The following TBC1D19 variants were observed in gnomAD, a reference collection of about 807,000 sequenced individuals.
The protein encoded by TBC1D19 is TBC1 domain family member 19.
Under a neutral mutation model 89.0 loss-of-function variants are expected in TBC1D19, and 60 were observed. The observed-to-expected ratio is 0.67, with a 90% confidence interval of 0.55 to 0.84. The LOEUF (loss-of-function observed/expected upper bound fraction) is 0.84. Ranked by LOEUF, TBC1D19 falls within the 40% of genes least tolerant of loss-of-function variation. TBC1D19 has a pLI of 0.00. For missense variants in TBC1D19, 500 were observed against 610.8 expected (o/e 0.82, Z 1.91); for synonymous variants, 189 against 199.7 (o/e 0.95, Z 0.45).
intron 13 of TBC1D19, among the ~76,000 whole-genome samples, chr4:26,692,321 G>T (rs1040776717): frequency 1.1e-4 from 17 of 152,168 alleles, no homozygotes; most frequent in Non-Finnish European, 4.4e-5. Context: ...CAGAGATCTG[G>T]CCCAAAAGCT....
At chr4:26,705,788 T>C (rs1443864104) in intron 13 of TBC1D19, among the ~76,000 whole-genome samples, 1 of 152,214 alleles carries the variant, frequency 6.6e-6, no homozygotes, top group Non-Finnish European at 1.5e-5. Flanking sequence ...TTGGGGTTTC[T>C]CGTAGGGTCT....
chr4:26,685,530 T>C (rs1366889024), intron 12 of TBC1D19, among the ~76,000 whole-genome samples: 3 of 152,192 alleles, frequency 2.0e-5, no homozygotes, highest in Non-Finnish European at 2.9e-5. Flanking sequence ...AAAGTAGTTA[T>C]GGAAATTGAG....
At chr4:26,655,598 C>A (rs963922393) in intron 7 of TBC1D19, among the ~76,000 whole-genome samples, 1 of 152,230 alleles carries the variant, frequency 6.6e-6, no homozygotes, top group African/African-American at 2.4e-5. Context: ...AGCCTTGCTG[C>A]CACCTTGCAG....
At chr4:26,747,828 A>G (rs570593330) in intron 18 of TBC1D19, among the ~76,000 whole-genome samples, 2 of 152,314 alleles carry the variant, frequency 1.3e-5, no homozygotes, top group African/African-American at 4.8e-5. Flanking sequence ...TTTCTGGCTG[A>G]TCTTTCAGAG....
the TBC1D19 span, among the ~76,000 whole-genome samples, chr4:26,808,545 GGT>G: frequency 2.1e-4 from 32 of 152,104 alleles, no homozygotes; most frequent in African/African-American, 7.7e-4. Context: ...TCCTGAACAG[GGT>G]GAAACCCCTT....
At chr4:26,615,910 A>G (rs528796840) in intron 3 of TBC1D19, among the ~76,000 whole-genome samples, 2 of 152,250 alleles carry the variant, frequency 1.3e-5, no homozygotes, top group Non-Finnish European at 1.5e-5. Flanking sequence ...ATCTGAGGCA[A>G]TATTACTGAT....
rs761221740 is a variant in TBC1D19 at position 26,672,104 on chromosome 4, G to A, written c.665-45G>A. 4.7e-6 allele frequency: 4 copies of A among 857,322 alleles called. No individual in the cohort carries two copies. The South Asian group carries it at 6.2e-5, about 13-fold the overall frequency. 53.1% of individuals were successfully genotyped at this position (857,322 alleles called of 1,614,324 possible). A position where few individuals can be genotyped will look rare whatever the true frequency, so the allele number is the denominator to read the frequency against. ...ATCTAATGTTGTTCTAAATGTGATTGCTCATACTCATGTCTAATAATTTTA... is the reference window on the plus strand; with the variant it reads ...ATCTAATGTTGTTCTAAATGTGATTACTCATACTCATGTCTAATAATTTTA... On this transcript the variant is annotated intron_variant, in intron 9 of 20. Transcript: ENST00000264866.
At chr4:26,805,472 A>G in the TBC1D19 span, among the ~76,000 whole-genome samples, 1 of 152,176 alleles carries the variant, frequency 6.6e-6, no homozygotes, top group East Asian at 1.9e-4. Context: ...TCCTTGACTT[A>G]GTCCTTCCTC....
the TBC1D19 span, among the ~76,000 whole-genome samples, chr4:26,856,878 C>T: frequency 6.6e-6 from 1 of 152,230 alleles, no homozygotes; most frequent in Non-Finnish European, 1.5e-5. Context: ...CCTCTGATTG[C>T]ACCGGGCTTT....
At chr4:26,638,426 C>T (rs909736355) in intron 5 of TBC1D19, among the ~76,000 whole-genome samples, 4 of 148,326 alleles carry the variant, frequency 2.7e-5, no homozygotes, top group Non-Finnish European at 5.9e-5. Context: ...CTTGGCCAGT[C>T]CCCCTTGTGA....
intron 11 of TBC1D19, among the ~76,000 whole-genome samples, chr4:26,676,691 C>T (rs189891406): frequency 1.3e-5 from 2 of 151,294 alleles, no homozygotes; most frequent in East Asian, 3.9e-4. Flanking sequence ...TGCACTCCAG[C>T]CTGGGCAGCA....
downstream of TBC1D19, among the ~76,000 whole-genome samples, chr4:26,760,389 C>T (rs2080397876): frequency 6.6e-6 from 1 of 151,994 alleles, no homozygotes; most frequent in African/African-American, 2.4e-5. Flanking sequence ...ATGGTAAAAC[C>T]ACATCCCTAC....
At chr4:26,839,401 A>G in the TBC1D19 span, among the ~76,000 whole-genome samples, 1 of 152,184 alleles carries the variant, frequency 6.6e-6, no homozygotes, top group Admixed American at 6.5e-5. Flanking sequence ...AAGCCTAGTT[A>G]ATTTCCACTT....
At chr4:26,694,231 C>T (rs955046883) in intron 13 of TBC1D19, among the ~76,000 whole-genome samples, 6 of 152,082 alleles carry the variant, frequency 3.9e-5, no homozygotes, top group Admixed American at 1.3e-4. Context: ...TCTTAGCAAA[C>T]GGCACACCAG....
chr4:26,641,247 T>G (rs539495737), intron 7 of TBC1D19, among the ~76,000 whole-genome samples: 302 of 152,364 alleles, frequency 2.0e-3, no homozygotes, highest in African/African-American at 6.9e-3. Context: ...CAATATTTGC[T>G]GTTCTGCAGC....
intron 13 of TBC1D19, among the ~76,000 whole-genome samples, chr4:26,701,658 G>T (rs745935640): frequency 6.6e-6 from 1 of 152,016 alleles, no homozygotes; most frequent in Non-Finnish European, 1.5e-5. Context: ...TCGGGCTCTA[G>T]ATTTCCTTAG....
chr4:26,658,408 G>A (rs945900933), intron 7 of TBC1D19, among the ~76,000 whole-genome samples: 7 of 152,076 alleles, frequency 4.6e-5, no homozygotes, highest in African/African-American at 1.7e-4. Context: ...GATGTGTGGT[G>A]TTGTTTTGGT....
intron 15 of TBC1D19, among the ~76,000 whole-genome samples, chr4:26,725,661 C>T (rs1451910570): frequency 1.3e-5 from 2 of 152,050 alleles, no homozygotes; most frequent in East Asian, 3.9e-4. Flanking sequence ...AATCCGCCCA[C>T]CTCAGCCTCC....
chr4:26,704,947 A>G (rs933314235), intron 13 of TBC1D19, among the ~76,000 whole-genome samples: 1 of 152,082 alleles, frequency 6.6e-6, no homozygotes, highest in African/African-American at 2.4e-5. Context: ...TTTTTTTGAT[A>G]GTAGCCATCC....
Sources: allele counts gnomAD v4.1 joint callset (sites outside exome capture counted in the v4.1 genomes callset), GRCh38; gene constraint gnomAD v4.1.1; transcripts MANE v1.5; gene names NCBI Gene and HGNC (gene_info 2026-07-23, HGNC 2026-07-21).